GRID2: variants seen among roughly 807,000 people sequenced by gnomAD.
GRID2 encodes the protein glutamate ionotropic receptor delta type subunit 2, also known as glutamate receptor ionotropic, delta-2.
A neutral mutation model predicts 114.8 loss-of-function variants in GRID2; 33 were observed. That is an observed-to-expected ratio of 0.29 (90% confidence interval 0.22 to 0.38). The LOEUF (loss-of-function observed/expected upper bound fraction) is 0.38. GRID2 is among the 10% of genes least tolerant of loss of function. The pLI, the probability that GRID2 is intolerant of heterozygous loss-of-function variation, is 1.00. For missense variants in GRID2, 1,184 were observed against 1,257.7 expected (o/e 0.94, Z 0.89); for synonymous variants, 505 against 449.9 (o/e 1.12, Z -1.55).
At chr4:93,598,400 C>G (rs918246251) in intron 13 of GRID2, among the ~76,000 whole-genome samples, 1 of 152,054 alleles carries the variant, frequency 6.6e-6, no homozygotes, top group Non-Finnish European at 1.5e-5. Flanking sequence ...TCCTTTCTCA[C>G]TCACTCTCTT....
intron 2 of GRID2, among the ~76,000 whole-genome samples, chr4:92,946,226 A>G (rs992645867): frequency 1.3e-5 from 2 of 152,058 alleles, no homozygotes; most frequent in Admixed American, 6.6e-5. Context: ...CTGGCAAACA[A>G]TTTATTTTTT....
chr4:93,616,501 G>A (rs370003622), intron 13 of GRID2, among the ~76,000 whole-genome samples: 42 of 148,702 alleles, frequency 2.8e-4, no homozygotes, highest in East Asian at 8.0e-4. Context: ...GGTCTCAGAC[G>A]AGCTACTGCA....
At chr4:92,633,670 T>C (rs973130979) in intron 2 of GRID2, among the ~76,000 whole-genome samples, 6 of 152,144 alleles carry the variant, frequency 3.9e-5, no homozygotes, top group Non-Finnish European at 2.9e-5. Context: ...ATAATGATTT[T>C]GGGGTACAGC....
At chr4:93,208,156 T>C (rs1743029681) in intron 5 of GRID2, among the ~76,000 whole-genome samples, 1 of 151,978 alleles carries the variant, frequency 6.6e-6, no homozygotes, top group Non-Finnish European at 1.5e-5. Flanking sequence ...CTATTATTTA[T>C]GAATAAAAAT....
At chr4:93,365,123 T>A (rs1762218170) in intron 8 of GRID2, among the ~76,000 whole-genome samples, 1 of 152,190 alleles carries the variant, frequency 6.6e-6, no homozygotes. Context: ...TCAGATTATA[T>A]TGCAACATTT....
chr4:92,988,647 G>C (rs111706995), intron 2 of GRID2, among the ~76,000 whole-genome samples: 27 of 152,118 alleles, frequency 1.8e-4, no homozygotes, highest in African/African-American at 6.5e-4. Context: ...CCAATTTATA[G>C]ACACGAAAAA....
chr4:93,541,562 C>CA (rs1732653959), intron 13 of GRID2, among the ~76,000 whole-genome samples: 1 of 151,728 alleles, frequency 6.6e-6, no homozygotes, highest in Non-Finnish European at 1.5e-5. Context: ...AAAATCTTGC[C>CA]AAAAAATATC....
intron 1 of GRID2, among the ~76,000 whole-genome samples, chr4:92,570,471 T>A (rs957502873): frequency 1.3e-5 from 2 of 152,006 alleles, no homozygotes; most frequent in African/African-American, 4.8e-5. Flanking sequence ...TTTTAGAATA[T>A]CTTTTTCTAA....
chr4:92,807,761 T>C (rs754620143), intron 2 of GRID2, among the ~76,000 whole-genome samples: 17 of 152,002 alleles, frequency 1.1e-4, no homozygotes, highest in Non-Finnish European at 2.4e-4. Flanking sequence ...TCACGTTCTC[T>C]TTTAGACATA....
In GRID2 at chr4:93,337,613, A is replaced by G. The variant is rs149552168; in HGVS notation, c.1246-57994A>G. Among the ~76,000 whole-genome samples, 396 of 152,308 alleles carry G rather than the reference A, an allele frequency of 2.6e-3. 2 individuals carry two copies. Among genetic ancestry groups the G allele is most frequent in the African/African-American group, 8.7e-3 (363 of 41,556 alleles). ...TGCTTTGAAGGGAGGCATTATCTCT[A>G]TCTTCCAAGATCTTCTCTATATAAG... is the stretch of plus-strand genomic sequence containing the variant. On this transcript the variant is annotated intron_variant, in intron 8 of 15. Transcript: ENST00000282020.
At chr4:92,919,532 A>G (rs1315207537) in intron 2 of GRID2, among the ~76,000 whole-genome samples, 1 of 152,210 alleles carries the variant, frequency 6.6e-6, no homozygotes, top group Non-Finnish European at 1.5e-5. Context: ...AATGTGTCCC[A>G]GAGATTCTGG....
intron 8 of GRID2, among the ~76,000 whole-genome samples, chr4:93,260,301 T>C (rs1750111585): frequency 6.6e-6 from 1 of 151,374 alleles, no homozygotes; most frequent in Non-Finnish European, 1.5e-5. Context: ...TAAGAAAAAA[T>C]AATAAAGTTT....
At chr4:92,838,662 T>A (rs1293285424) in intron 2 of GRID2, 1 of 152,100 alleles carries the variant, frequency 6.6e-6, no homozygotes, top group Admixed American at 6.6e-5. Flanking sequence ...TTTAATATTT[T>A]AACATGGAGA....
intron 14 of GRID2, among the ~76,000 whole-genome samples, chr4:93,747,046 CA>C (rs932552721): frequency 6.6e-6 from 1 of 150,484 alleles, no homozygotes; most frequent in Non-Finnish European, 1.5e-5. Context: ...TTTAGTGTTT[CA>C]AAAAAAAATC....
chr4:92,412,652 G>A (rs1262569801), intron 1 of GRID2, among the ~76,000 whole-genome samples: 1 of 151,610 alleles, frequency 6.6e-6, no homozygotes. Context: ...TTCATTCACT[G>A]AGAATTTGTA....
At chr4:93,100,634 T>C (rs1731613029) in intron 3 of GRID2, among the ~76,000 whole-genome samples, 1 of 152,172 alleles carries the variant, frequency 6.6e-6, no homozygotes, top group African/African-American at 2.4e-5. Context: ...ATTTTAATGC[T>C]TGGCATTCTG....
chr4:92,665,930 A>C (rs955277598), intron 2 of GRID2, among the ~76,000 whole-genome samples: 25 of 151,550 alleles, frequency 1.6e-4, no homozygotes, highest in African/African-American at 6.0e-4. Context: ...CGAATTCATT[A>C]AAGTTCTTGA....
chr4:93,339,045 T>G (rs867603324), intron 8 of GRID2, among the ~76,000 whole-genome samples: 2 of 152,170 alleles, frequency 1.3e-5, no homozygotes, highest in South Asian at 2.1e-4. Context: ...GACAGGTCCA[T>G]GTGGTGAGGG....
chr4:92,340,233 T>C (rs566294628), intron 1 of GRID2, among the ~76,000 whole-genome samples: 3 of 152,284 alleles, frequency 2.0e-5, no homozygotes, highest in South Asian at 2.1e-4. Flanking sequence ...TCATCTCCCA[T>C]ATACTTGTAC....
Sources: gnomAD v4.1 joint callset for allele counts (sites outside exome capture counted in the v4.1 genomes callset) on GRCh38, gnomAD v4.1.1 for gene constraint, MANE v1.5 for transcripts, NCBI Gene and HGNC (gene_info 2026-07-23, HGNC 2026-07-21) for gene names.